NUP35: variants seen among roughly 807,000 people sequenced by gnomAD.
NUP35 encodes the protein nucleoporin 35.
In NUP35, 25 loss-of-function variants were observed where a neutral mutation model predicts 41.5. The observed-to-expected ratio is 0.60, with a 90% confidence interval of 0.44 to 0.84. The LOEUF (loss-of-function observed/expected upper bound fraction) is 0.84. Among genes scored for constraint, NUP35 ranks in the 40% least tolerant of loss-of-function variants. NUP35 has a pLI of 0.00. For synonymous variants in NUP35, 149 were observed against 130.7 expected (o/e 1.14, Z -0.96); for missense variants, 396 against 396.6 (o/e 1.00, Z 0.01).
At chr2:183,146,188 A>G (rs533976850) in intron 4 of NUP35, among the ~76,000 whole-genome samples, 1 of 152,218 alleles carries the variant, frequency 6.6e-6, no homozygotes, top group South Asian at 2.1e-4. Flanking sequence ...GTGGGCTGAG[A>G]TCGTGCCACT....
chr2:183,156,515 A>T (rs1375680070), intron 5 of NUP35, among the ~76,000 whole-genome samples: 2 of 151,756 alleles, frequency 1.3e-5, no homozygotes, highest in South Asian at 2.1e-4. Context: ...GATTTTTTGT[A>T]TTTTTAGTAG....
chr2:183,136,238 G>C (rs1246645081), intron 4 of NUP35, among the ~76,000 whole-genome samples: 1 of 152,184 alleles, frequency 6.6e-6, no homozygotes, highest in African/African-American at 2.4e-5. Context: ...ATCTGTACTA[G>C]TTTTCTGTAG....
chr2:183,128,073 GA>G (rs11366544), intron 1 of NUP35, among the ~76,000 whole-genome samples: 24,397 of 137,148 alleles, frequency 0.18, 2,338 homozygotes, highest in African/African-American at 0.29. Context: ...CTCGGACTCA[GA>G]AAAAAAAAAA....
At chr2:183,137,958 G>C (rs974053218) in intron 4 of NUP35, among the ~76,000 whole-genome samples, 1 of 151,680 alleles carries the variant, frequency 6.6e-6, no homozygotes, top group Non-Finnish European at 1.5e-5. Context: ...TTCTAATATA[G>C]TAACTTCTGT....
At chr2:183,139,875 G>A (rs141761859) in intron 4 of NUP35, among the ~76,000 whole-genome samples, 1 of 152,272 alleles carries the variant, frequency 6.6e-6, no homozygotes, top group African/African-American at 2.4e-5. Context: ...TCTGTTTTAA[G>A]CCATCCAGTT....
At chr2:183,142,112 G>C (rs190268472) in intron 4 of NUP35, among the ~76,000 whole-genome samples, 1 of 152,230 alleles carries the variant, frequency 6.6e-6, no homozygotes, top group African/African-American at 2.4e-5. Flanking sequence ...TGATTCCTGA[G>C]TATTTTTACG....
chr2:183,124,979 T>C (rs1684391206), intron 1 of NUP35, among the ~76,000 whole-genome samples: 1 of 149,536 alleles, frequency 6.7e-6, no homozygotes, highest in South Asian at 2.1e-4. Flanking sequence ...TTGACTCCTC[T>C]CTCCCGGGCT....
Position 183,151,669 on chromosome 2 carries a change from T to G in NUP35, c.539+20T>G, listed in dbSNP as rs374715099. 3 of 1,597,176 alleles carry G rather than the reference T, an allele frequency of 1.9e-6. No homozygotes were observed. In the African/African-American group the frequency reaches 4.1e-5, roughly 22 times the overall value. On this transcript the variant is annotated intron_variant, in intron 5 of 8. Coordinates refer to ENST00000295119, the MANE Select transcript of NUP35 (RefSeq NM_138285.5). ...ATTTGGGTAAGGTTTGCAGACCATT[T>G]GCCTTTTAAAAACCCCACCCTAACA... is the stretch of plus-strand genomic sequence containing the variant.
chr2:183,137,249 A>C (rs1684906758), intron 4 of NUP35, among the ~76,000 whole-genome samples: 1 of 152,182 alleles, frequency 6.6e-6, no homozygotes, highest in Non-Finnish European at 1.5e-5. Flanking sequence ...AAACTGTAAC[A>C]AATAGGTGGA....
At chr2:183,160,742 T>A (rs779756227) in intron 8 of NUP35, 1 of 158,724 alleles carries the variant, frequency 6.3e-6, no homozygotes, top group Non-Finnish European at 1.4e-5. Flanking sequence ...AATTTTGGCA[T>A]TCTTAAAAGC....
At chr2:183,148,965 C>T (rs1160332497) in intron 4 of NUP35, among the ~76,000 whole-genome samples, 1 of 152,124 alleles carries the variant, frequency 6.6e-6, no homozygotes, top group Non-Finnish European at 1.5e-5. Flanking sequence ...AGTAGCTTTT[C>T]CCCCCACCTT....
At chr2:183,143,143 G>A (rs528531478) in intron 4 of NUP35, among the ~76,000 whole-genome samples, 16 of 138,496 alleles carry the variant, frequency 1.2e-4, no homozygotes, top group South Asian at 4.6e-4. Context: ...GTGACAGAGC[G>A]AGACTCCATC....
chr2:183,160,410 C>T (rs7565260), intron 8 of NUP35: 4,908 of 152,170 alleles, frequency 0.032, 97 homozygotes, highest in Non-Finnish European at 0.043. Context: ...TGTTTTGAGA[C>T]GGAATGTCTC....
rs73040921 is a variant in NUP35, at chr2:183,149,529, T to C, written c.398-1979T>C. 8.5e-3 allele frequency among the ~76,000 whole-genome samples: 1,290 copies of C among 152,304 alleles called. 19 individuals carry two copies. Among genetic ancestry groups the C allele is most frequent in the African/African-American group, 0.029 (1,204 of 41,552 alleles). ...TTCAACCTGAGTCTGTTGAATCACA[T>C]GAAGTTGCCTCTGGAAAACTCCACT... On this transcript the variant is annotated intron_variant, in intron 4 of 8. Coordinates refer to ENST00000295119, the MANE Select transcript of NUP35 (RefSeq NM_138285.5).
chr2:183,148,929 C>T (rs1452195263), intron 4 of NUP35, among the ~76,000 whole-genome samples: 2 of 152,190 alleles, frequency 1.3e-5, no homozygotes, highest in Admixed American at 6.5e-5. Flanking sequence ...TCACGAGCCA[C>T]AGTGCAAAGC....
intron 4 of NUP35, among the ~76,000 whole-genome samples, chr2:183,136,984 G>C (rs1223546244): frequency 6.6e-6 from 1 of 152,114 alleles, no homozygotes; most frequent in Non-Finnish European, 1.5e-5. Flanking sequence ...CAGCTACTTG[G>C]GAGGCTGAGG....
At chr2:183,160,454 C>G (rs765349208) in intron 8 of NUP35, 1 of 152,124 alleles carries the variant, frequency 6.6e-6, no homozygotes, top group Non-Finnish European at 1.5e-5. Flanking sequence ...GTGGTGCTAT[C>G]CCAGCTCACT....
chr2:183,145,081 T>G (rs1685233656), intron 4 of NUP35, among the ~76,000 whole-genome samples: 1 of 152,198 alleles, frequency 6.6e-6, no homozygotes, highest in African/African-American at 2.4e-5. Flanking sequence ...CCTTTTACTG[T>G]CTTCAGTTTG....
At chr2:183,125,566 T>C (rs1684436897) in intron 1 of NUP35, among the ~76,000 whole-genome samples, 1 of 152,258 alleles carries the variant, frequency 6.6e-6, no homozygotes, top group Admixed American at 6.5e-5. Context: ...ATAATGCAGA[T>C]ACTCTGCATT....
Sources: allele counts gnomAD v4.1 joint callset (sites outside exome capture counted in the v4.1 genomes callset), GRCh38; gene constraint gnomAD v4.1.1; transcripts MANE v1.5; gene names NCBI Gene and HGNC (gene_info 2026-07-23, HGNC 2026-07-21).